The following DTNB variants were observed in gnomAD, a reference collection of about 807,000 sequenced individuals.
The protein encoded by DTNB is DTN-B.
Under a neutral mutation model 90.7 loss-of-function variants are expected in DTNB, and 63 were observed. That is an observed-to-expected ratio of 0.69 (90% confidence interval 0.57 to 0.86). The LOEUF is 0.86. DTNB is among the 40% of genes least tolerant of loss of function. The pLI, the probability that DTNB is intolerant of heterozygous loss-of-function variation, is 0.00. For missense variants in DTNB, 744 were observed against 807.1 expected (o/e 0.92, Z 0.95); for synonymous variants, 277 against 286.7 (o/e 0.97, Z 0.34).
chr2:25,384,940 G>A (rs777985508), intron 18 of DTNB, among the ~76,000 whole-genome samples: 32 of 151,414 alleles, frequency 2.1e-4, no homozygotes, highest in South Asian at 1.0e-3. Flanking sequence ...CTACAGCGGC[G>A]CGATCTTGGC....
intron 2 of DTNB, among the ~76,000 whole-genome samples, chr2:25,646,804 G>A (rs1270064042): frequency 6.6e-6 from 1 of 152,070 alleles, no homozygotes; most frequent in South Asian, 2.1e-4. Flanking sequence ...ACTACCTTGG[G>A]CACATGTTCT....
chr2:25,384,902 T>TG (rs1389085245), intron 18 of DTNB, among the ~76,000 whole-genome samples: 12 of 151,506 alleles, frequency 7.9e-5, no homozygotes, highest in African/African-American at 2.7e-4. Context: ...TTTTTTGAGA[T>TG]GGAGTTTTGC....
At chr2:25,649,828 T>G (rs1179653331) in intron 2 of DTNB, 1 of 168,788 alleles carries the variant, frequency 5.9e-6, no homozygotes, top group African/African-American at 2.4e-5. Flanking sequence ...CATACTAAAA[T>G]CAACATACTA....
At chr2:25,640,732 C>T (rs191002775) in intron 2 of DTNB, among the ~76,000 whole-genome samples, 4 of 152,060 alleles carry the variant, frequency 2.6e-5, no homozygotes, top group African/African-American at 4.8e-5. Flanking sequence ...TTTGGCCAGG[C>T]GCGGTGGCTC....
rs1553453853 is a variant in DTNB, at chr2:25,491,158, G to GACAGACACACACACAC, written c.1002-8286_1002-8285insGTGTGTGTGTGTCTGT. Among the ~76,000 whole-genome samples, 7 of 150,512 alleles carry GACAGACACACACACAC rather than the reference G, an allele frequency of 4.7e-5. No homozygotes were observed. The East Asian group carries it at 1.4e-3, about 29-fold the overall frequency. On this transcript the variant is annotated intron_variant, in intron 9 of 20. Coordinates refer to ENST00000406818, the MANE Select transcript of DTNB (RefSeq NM_021907.5). The stretch of plus-strand genomic sequence containing the variant: ...ATGAGCACACACACACACACACACA[G>GACAGACACACACACAC]ACACACACACAGAGGGAGAGAGAGA...
intron 16 of DTNB, among the ~76,000 whole-genome samples, chr2:25,416,804 C>G (rs200463243): frequency 0.14 from 17,594 of 130,026 alleles, 1,438 homozygotes; most frequent in Middle Eastern, 0.21. Context: ...AAGGAAGGAA[C>G]GAAGGAAGGA....
rs534641012 is a variant in DTNB at position 25,505,521 on chromosome 2, A to C, written c.1002-22648T>G. ...CTTTTTCATTTGTACCCACATCAAC[A>C]AGATATATGTCTTGATTTATTTAGA... On this transcript the variant is annotated intron_variant, in intron 9 of 20. Transcript: ENST00000406818. Among the ~76,000 whole-genome samples the C allele has an allele frequency of 1.4e-4, 22 of 152,260 alleles. No homozygotes were observed. In the South Asian group the frequency reaches 4.3e-3, roughly 30 times the overall value.
intron 4 of DTNB, among the ~76,000 whole-genome samples, chr2:25,622,501 T>G (rs2148662444): frequency 6.6e-6 from 1 of 152,296 alleles, no homozygotes; most frequent in East Asian, 1.9e-4. Flanking sequence ...TCCATCTTTG[T>G]ACCTTGACTA....
At chr2:25,584,659 C>T (rs1657285343) in intron 6 of DTNB, among the ~76,000 whole-genome samples, 1 of 152,030 alleles carries the variant, frequency 6.6e-6, no homozygotes, top group Admixed American at 6.5e-5. Context: ...CAGGTTCAAG[C>T]AATTGTCCTG....
chr2:25,477,272 T>A (rs573293757), intron 10 of DTNB, among the ~76,000 whole-genome samples: 1 of 152,354 alleles, frequency 6.6e-6, no homozygotes, highest in African/African-American at 2.4e-5. Context: ...TATAAGTCAC[T>A]TGATTACAAT....
intron 1 of DTNB, among the ~76,000 whole-genome samples, chr2:25,666,417 T>C (rs2084454475): frequency 6.6e-6 from 1 of 152,172 alleles, no homozygotes; most frequent in Admixed American, 6.5e-5. Flanking sequence ...GTAAACATCA[T>C]ATCTAACAGT....
At chr2:25,478,885 G>A (rs528852083) in intron 10 of DTNB, among the ~76,000 whole-genome samples, 18 of 152,170 alleles carry the variant, frequency 1.2e-4, no homozygotes, top group South Asian at 2.1e-4. Context: ...TGCAACCATC[G>A]GCAGCTTGGG....
intron 11 of DTNB, among the ~76,000 whole-genome samples, chr2:25,454,862 A>G (rs1032081241): frequency 1.1e-4 from 16 of 152,184 alleles, no homozygotes; most frequent in Non-Finnish European, 2.2e-4. Flanking sequence ...ATTTGGAAAA[A>G]GACCCTCAGG....
At chr2:25,592,889 G>A (rs2063822897) in intron 6 of DTNB, among the ~76,000 whole-genome samples, 1 of 152,196 alleles carries the variant, frequency 6.6e-6, no homozygotes, top group Admixed American at 6.5e-5. Context: ...TGGTATCACT[G>A]TCGGATGGTG....
At chr2:25,377,877 A>G (rs1174600191) in intron 20 of DTNB, among the ~76,000 whole-genome samples, 1 of 152,232 alleles carries the variant, frequency 6.6e-6, no homozygotes, top group Non-Finnish European at 1.5e-5. Flanking sequence ...AGGAAGCCTC[A>G]GCCCCCGGCC....
intron 4 of DTNB, among the ~76,000 whole-genome samples, chr2:25,624,009 C>T (rs1419883268): frequency 2.6e-5 from 4 of 152,152 alleles, no homozygotes; most frequent in Admixed American, 2.6e-4. Context: ...GTGTTAACAT[C>T]AACACAGACC....
chr2:25,650,345 T>C (rs1007956988), intron 2 of DTNB: 16 of 570,804 alleles, frequency 2.8e-5, no homozygotes, highest in Non-Finnish European at 3.5e-5. Flanking sequence ...GCCTGGAGCA[T>C]AGCAGATCCT....
At chr2:25,639,684 T>C (rs1182488748) in intron 2 of DTNB, among the ~76,000 whole-genome samples, 1 of 152,076 alleles carries the variant, frequency 6.6e-6, no homozygotes, top group African/African-American at 2.4e-5. Context: ...CATCAAGGTC[T>C]AGAGATTCTT....
chr2:25,643,279 C>G (rs1035444951), intron 2 of DTNB, among the ~76,000 whole-genome samples: 1 of 152,140 alleles, frequency 6.6e-6, no homozygotes, highest in Non-Finnish European at 1.5e-5. Context: ...CCAACTCATC[C>G]TGGGCATGGC....
Sources: allele counts gnomAD v4.1 joint callset (sites outside exome capture counted in the v4.1 genomes callset), GRCh38; gene constraint gnomAD v4.1.1; transcripts MANE v1.5; gene names NCBI Gene and HGNC (gene_info 2026-07-23, HGNC 2026-07-21).